Variants in ZFAT observed in about 807,000 individuals in gnomAD.
The protein encoded by ZFAT is zinc finger protein ZFAT.
Under a neutral mutation model 117.7 loss-of-function variants are expected in ZFAT, and 64 were observed. The ratio of observed to expected loss-of-function variants is 0.54; its 90% confidence interval spans 0.44 to 0.67. ZFAT has a LOEUF of 0.67. Among genes scored for constraint, ZFAT ranks in the 30% least tolerant of loss-of-function variants. The pLI, the probability that ZFAT is intolerant of heterozygous loss-of-function variation, is 0.00. For synonymous variants in ZFAT, 679 were observed against 615.0 expected (o/e 1.10, Z -1.54); for missense variants, 1,433 against 1,584.5 (o/e 0.90, Z 1.62).
chr8:134,804,406 A>G, the ZFAT span, among the ~76,000 whole-genome samples: 2 of 152,204 alleles, frequency 1.3e-5, no homozygotes, highest in South Asian at 4.1e-4. Context: ...GGGGGCTAAG[A>G]GGACGGAGAA....
At chr8:134,509,505 A>G in intron 15 of ZFAT, 114 bp downstream of exon 15, 1 of 1,491,766 alleles carries the variant, frequency 6.7e-7, no homozygotes, top group Non-Finnish European at 9.1e-7. Context: ...GACTAGACCA[A>G]TTTCATTCCA....
chr8:134,635,646 AGG>A (rs1830163859), intron 3 of ZFAT, among the ~76,000 whole-genome samples: 1 of 64,424 alleles, frequency 1.6e-5, no homozygotes, highest in Admixed American at 1.9e-4. Flanking sequence ...TCAGGGAGAG[AGG>A]GAGAGAGAGA....
chr8:134,564,982 C>T, intron 11 of ZFAT: 5 of 1,251,230 alleles, frequency 4.0e-6, no homozygotes, highest in Non-Finnish European at 5.1e-6. Context: ...TATCGGGTGA[C>T]TCACCTGCAG....
At chr8:134,803,188 G>C in the ZFAT span, among the ~76,000 whole-genome samples, 4 of 152,204 alleles carry the variant, frequency 2.6e-5, no homozygotes, top group African/African-American at 9.6e-5. Flanking sequence ...CTTAGGTTTG[G>C]CCTTATCATT....
At chr8:134,824,553 C>A in the ZFAT span, among the ~76,000 whole-genome samples, 2 of 152,196 alleles carry the variant, frequency 1.3e-5, no homozygotes, top group South Asian at 2.1e-4. Flanking sequence ...AGCACACTCT[C>A]AGCAAGAGTT....
the ZFAT span, chr8:134,784,705 T>C: frequency 6.6e-6 from 1 of 152,228 alleles, no homozygotes; most frequent in African/African-American, 2.4e-5. Flanking sequence ...ATCTGAACTG[T>C]AACCTCTGTG....
At chr8:134,661,429 C>A (rs542056711) in intron 1 of ZFAT, among the ~76,000 whole-genome samples, 4 of 152,212 alleles carry the variant, frequency 2.6e-5, no homozygotes, top group African/African-American at 9.6e-5. Context: ...AGAGGCCCCA[C>A]GTGCCTGAGC....
intron 13 of ZFAT, among the ~76,000 whole-genome samples, chr8:134,514,248 C>T (rs1820082570): frequency 6.6e-6 from 1 of 152,202 alleles, no homozygotes; most frequent in African/African-American, 2.4e-5. Context: ...GGGTTCACGG[C>T]TCTGCATAAA....
At chr8:134,710,806 C>A (rs1813964474) in intron 1 of ZFAT, among the ~76,000 whole-genome samples, 1 of 152,212 alleles carries the variant, frequency 6.6e-6, no homozygotes, top group Non-Finnish European at 1.5e-5. Context: ...GTGTCACTAT[C>A]TCAGCCACAC....
intron 11 of ZFAT, among the ~76,000 whole-genome samples, chr8:134,550,733 A>G (rs4909477): frequency 0.21 from 32,393 of 152,174 alleles, 3,714 homozygotes; most frequent in East Asian, 0.32. Context: ...AATAGAATGA[A>G]GCTGAAGATG....
intron 3 of ZFAT, among the ~76,000 whole-genome samples, chr8:134,625,802 G>A (rs729546): frequency 0.3 from 42,585 of 142,526 alleles, 6,347 homozygotes; most frequent in East Asian, 0.54. Context: ...GGCACGAGCC[G>A]TGAGCCACGT....
chr8:134,553,884 G>T (rs1823373651), intron 11 of ZFAT, among the ~76,000 whole-genome samples: 1 of 152,180 alleles, frequency 6.6e-6, no homozygotes, highest in Non-Finnish European at 1.5e-5. Flanking sequence ...ATGATAGTCT[G>T]ACTGTAGAGC....
chr8:134,538,859 T>C (rs1348864890), intron 11 of ZFAT, among the ~76,000 whole-genome samples: 1 of 145,640 alleles, frequency 6.9e-6, no homozygotes, highest in Non-Finnish European at 1.5e-5. Flanking sequence ...CAAATTGAGT[T>C]GAGAGAAAAT....
chr8:134,826,985 G>A, the ZFAT span, among the ~76,000 whole-genome samples: 1 of 152,178 alleles, frequency 6.6e-6, no homozygotes, highest in Non-Finnish European at 1.5e-5. Context: ...ACCCTTTAGG[G>A]AGAAAAAGAA....
At chr8:134,549,260 T>G (rs530740114) in intron 11 of ZFAT, among the ~76,000 whole-genome samples, 105 of 152,042 alleles carry the variant, frequency 6.9e-4, no homozygotes, top group Non-Finnish European at 1.0e-3. Flanking sequence ...GCTAACATGG[T>G]GAAACCCCGT....
chr8:134,706,620 A>T (rs959364664), intron 1 of ZFAT, among the ~76,000 whole-genome samples: 2 of 152,168 alleles, frequency 1.3e-5, no homozygotes, highest in African/African-American at 4.8e-5. Context: ...GGAACCTGGG[A>T]GGAGGAGGTT....
intron 3 of ZFAT, among the ~76,000 whole-genome samples, chr8:134,623,179 C>T (rs1268118294): frequency 3.9e-5 from 6 of 152,136 alleles, no homozygotes; most frequent in Non-Finnish European, 5.9e-5. Flanking sequence ...AAGTCAGCAA[C>T]GAGGCACACC....
At chr8:134,793,133 C>T in the ZFAT span, 1 of 152,104 alleles carries the variant, frequency 6.6e-6, no homozygotes, top group South Asian at 2.1e-4. Context: ...CATAAGAATA[C>T]AATTTTATTC....
the ZFAT span, chr8:134,796,869 A>G: frequency 6.6e-6 from 1 of 152,228 alleles, no homozygotes; most frequent in Non-Finnish European, 1.5e-5. Context: ...TAATTTCTAT[A>G]TGTTAAAAGT....
Sources: allele counts gnomAD v4.1 joint callset (sites outside exome capture counted in the v4.1 genomes callset), GRCh38; gene constraint gnomAD v4.1.1; transcripts MANE v1.5; gene names NCBI Gene and HGNC (gene_info 2026-07-23, HGNC 2026-07-21).